The following DPP6 variants were observed in gnomAD, a reference collection of about 807,000 sequenced individuals.
The protein encoded by DPP6 is dipeptidyl peptidase like 6.
A neutral mutation model predicts 122.6 loss-of-function variants in DPP6; 69 were observed. The ratio of observed to expected loss-of-function variants is 0.56; its 90% CI spans 0.46 to 0.69. The LOEUF (loss-of-function observed/expected upper bound fraction) is 0.69. DPP6 is among the 30% of genes least tolerant of loss of function. The probability of loss-of-function intolerance (pLI) is 0.00; values close to 1 mark genes in which losing one functional copy is unlikely to be tolerated. For synonymous variants in DPP6, 418 were observed against 433.1 expected, an observed-to-expected ratio of 0.97 and a Z score of 0.43; for missense variants, 928 against 1,116.9, an observed-to-expected ratio of 0.83 and a Z score of 2.41.
At chr7:154,586,517 T>C (rs79982706) in intron 5 of DPP6, among the ~76,000 whole-genome samples, 1,637 of 152,182 alleles carry the variant, frequency 0.011, 13 homozygotes, top group Non-Finnish European at 0.015. Flanking sequence ...AGAGTTGGCC[T>C]TTCTCTTCCC....
chr7:154,180,509 AATAT>A (rs913877010), intron 1 of DPP6, among the ~76,000 whole-genome samples: 3 of 141,204 alleles, frequency 2.1e-5, no homozygotes, highest in South Asian at 2.1e-4. Context: ...TATATAAATA[AATAT>A]ATATAAATAT....
chr7:154,008,909 C>T (rs1249394111), intron 1 of DPP6, among the ~76,000 whole-genome samples: 1 of 149,614 alleles, frequency 6.7e-6, no homozygotes, highest in Admixed American at 6.7e-5. Context: ...TCGTGATCCG[C>T]CCGCCTCGGC....
chr7:154,883,951 G>C (rs1805782747), intron 21 of DPP6: 1 of 124,208 alleles, frequency 8.1e-6, no homozygotes, highest in African/African-American at 3.1e-5. Context: ...CATACACGCT[G>C]ACACATGCTC....
chr7:154,669,613 A>C (rs1023588356), intron 7 of DPP6, among the ~76,000 whole-genome samples, 172 bp downstream of exon 7: 3 of 152,074 alleles, frequency 2.0e-5, no homozygotes, highest in African/African-American at 7.2e-5. Context: ...AATATGTAAA[A>C]GGGTCATTTC....
upstream of DPP6, among the ~76,000 whole-genome samples, chr7:154,050,736 T>C (rs1035302028): frequency 6.6e-6 from 1 of 151,350 alleles, no homozygotes; most frequent in Non-Finnish European, 1.5e-5. Flanking sequence ...GCCTCTCCCA[T>C]GCAGCAAGTT....
chr7:153,856,447 C>T, the DPP6 span, among the ~76,000 whole-genome samples: 1 of 152,212 alleles, frequency 6.6e-6, no homozygotes, highest in African/African-American at 2.4e-5. Context: ...GGTTCTTCCT[C>T]TGCCATTTTC....
chr7:154,817,659 T>C (rs1242002768), intron 16 of DPP6, among the ~76,000 whole-genome samples: 5 of 152,216 alleles, frequency 3.3e-5, no homozygotes, highest in Non-Finnish European at 7.3e-5. Flanking sequence ...ATGTCACAAG[T>C]AACTGATGTC....
At chr7:154,860,602 G>T (rs1011989193) in intron 17 of DPP6, among the ~76,000 whole-genome samples, 2 of 152,344 alleles carry the variant, frequency 1.3e-5, no homozygotes, top group South Asian at 2.1e-4. Context: ...GTCCAGGGAG[G>T]TGTGGCACTT....
intron 1 of DPP6, among the ~76,000 whole-genome samples, chr7:154,112,051 T>C (rs540618134): frequency 1.8e-4 from 27 of 152,304 alleles, no homozygotes; most frequent in African/African-American, 5.5e-4. Context: ...TCTCCTTGCA[T>C]GTTGGCTGGA....
At chr7:154,482,462 A>G (rs1018709129) in intron 3 of DPP6, among the ~76,000 whole-genome samples, 1 of 152,234 alleles carries the variant, frequency 6.6e-6, no homozygotes, top group African/African-American at 2.4e-5. Flanking sequence ...TGTATTTATT[A>G]CAGTAAATTA....
chr7:154,596,583 G>C lies in DPP6; in HGVS notation c.627+29667G>C, dbSNP rs141963159. ...AACTTCCAAAAAAAAAAGTTGACAT[G>C]GAGCAGGTCCTCAAAGCAGGAGGCC... On this transcript the variant is annotated intron_variant, in intron 5 of 25. Transcript: ENST00000377770. Among the ~76,000 whole-genome samples, 407 of 152,286 alleles carry C rather than the reference G, an allele frequency of 2.7e-3. 3 individuals are homozygous for C. The highest frequency in any genetic ancestry group is 9.5e-3 in the African/African-American group (396 of 41,560).
the DPP6 span, among the ~76,000 whole-genome samples, chr7:153,756,971 AT>A: frequency 6.8e-6 from 1 of 147,722 alleles, no homozygotes; most frequent in Non-Finnish European, 1.5e-5. Context: ...TATTTGTTGG[AT>A]TTTTTTTAAG....
At chr7:154,646,041 A>AAAAAAAAAAAAAAAAAAAAAAT (rs1181559479) in intron 6 of DPP6, among the ~76,000 whole-genome samples, 1 of 150,476 alleles carries the variant, frequency 6.6e-6, no homozygotes, top group Non-Finnish European at 1.5e-5. Context: ...AAAAAAAAAA[A>AAAAAAAAAAAAAAAAAAAAAAT]AAAAGAAAAT....
chr7:154,419,787 CTT>C (rs1048240318), intron 1 of DPP6, among the ~76,000 whole-genome samples: 2 of 152,134 alleles, frequency 1.3e-5, no homozygotes, highest in African/African-American at 4.8e-5. Flanking sequence ...CCTCTATACT[CTT>C]TTTCTCATAA....
intron 10 of DPP6, among the ~76,000 whole-genome samples, chr7:154,790,241 C>T (rs10081323): frequency 0.96 from 145,693 of 152,300 alleles, 69,762 homozygotes; most frequent in East Asian, 1. Context: ...GGTATAGTCA[C>T]TGATGCAACT....
intron 1 of DPP6, among the ~76,000 whole-genome samples, chr7:154,303,508 C>T (rs984814245): frequency 1.5e-4 from 23 of 152,168 alleles, no homozygotes; most frequent in Admixed American, 7.8e-4. Flanking sequence ...TTGCTTGGCC[C>T]GGCCCAGTCC....
intron 1 of DPP6, among the ~76,000 whole-genome samples, chr7:154,055,073 A>C (rs567537072): frequency 3.4e-5 from 5 of 146,678 alleles, no homozygotes; most frequent in South Asian, 4.4e-4. Flanking sequence ...TCTAACTTAG[A>C]TGTAAGTCCT....
At chr7:153,836,221 C>A in the DPP6 span, among the ~76,000 whole-genome samples, 1 of 152,188 alleles carries the variant, frequency 6.6e-6, no homozygotes, top group Non-Finnish European at 1.5e-5. Context: ...ATCAACAAAT[C>A]AAACCCTTGT....
At chr7:154,147,684 G>A (rs1796180608) in intron 1 of DPP6, among the ~76,000 whole-genome samples, 1 of 139,402 alleles carries the variant, frequency 7.2e-6, no homozygotes, top group Admixed American at 6.9e-5. Context: ...GTGTATATAT[G>A]TATATACACA....
Sources: allele counts gnomAD v4.1 joint callset (sites outside exome capture counted in the v4.1 genomes callset), GRCh38; gene constraint gnomAD v4.1.1; transcripts MANE v1.5; gene names NCBI Gene and HGNC (gene_info 2026-07-23, HGNC 2026-07-21).